Variants in FREM1 observed in about 807,000 individuals in gnomAD.
FREM1 encodes FRAS1 related extracellular matrix 1.
In FREM1, 220 loss-of-function variants were observed where a neutral mutation model predicts 210.1. That is an observed-to-expected ratio of 1.05 (90% CI 0.94 to 1.17). The LOEUF (loss-of-function observed/expected upper bound fraction) is 1.17. FREM1 is among the 50% of genes most tolerant of loss of function. The pLI, the probability that FREM1 is intolerant of heterozygous loss-of-function variation, is 0.00. For synonymous variants in FREM1, 1,189 were observed against 980.2 expected, an observed-to-expected ratio of 1.21 and a Z score of -3.98; for missense variants, 3,454 against 2,675.5, an observed-to-expected ratio of 1.29 and a Z score of -6.42.
intron 12 of FREM1, 54 bp downstream of exon 12, chr9:14,823,971 C>A (rs949441631): frequency 8.9e-7 from 1 of 1,121,488 alleles, no homozygotes; most frequent in Non-Finnish European, 1.3e-6. Flanking sequence ...CATGCCATAC[C>A]TTCTAAGGGC....
At chr9:14,895,286 A>G (rs1488358775) in intron 1 of FREM1, among the ~76,000 whole-genome samples, 2 of 152,356 alleles carry the variant, frequency 1.3e-5, no homozygotes, top group Non-Finnish European at 2.9e-5. Context: ...CGGTCTTACC[A>G]TGACTTGTCT....
chr9:14,776,104 C>A lies in FREM1; in HGVS notation c.4542G>T (p.Gly1514=). 1 of 1,604,594 alleles carries A rather than the reference C, an allele frequency of 6.2e-7. No individual in the cohort carries two copies. The highest frequency in any genetic ancestry group is 1.3e-5 in the African/African-American group (1 of 74,878). ...CCACGGCCCCTTGGGCCAGTCTCAA[C>A]CCCTTGTTCCTGGTTACCACAGGCA... ...RALPVVTRNK[G]LRLAQGAVGL... Residue 1514 remains glycine (G), a synonymous_variant, in exon 25 of 37, where the codon GGG becomes GGT. Coordinates refer to ENST00000380880, the MANE Select transcript of FREM1 (RefSeq NM_001379081.2).
chr9:14,823,468 C>G (rs1032895189), intron 12 of FREM1, 141 bp from the exon 13 acceptor site: 2 of 719,464 alleles, frequency 2.8e-6, no homozygotes, highest in East Asian at 2.6e-5. Flanking sequence ...ACCAAAAGCT[C>G]TATTTTTACT....
At chr9:14,754,607 G>T (rs1469691109) in intron 29 of FREM1, among the ~76,000 whole-genome samples, 1 of 152,048 alleles carries the variant, frequency 6.6e-6, no homozygotes, top group Admixed American at 6.6e-5. Context: ...GAATAAGGTG[G>T]GCTCCTCATC....
rs200894045 is a variant in FREM1, at chr9:14,806,788, G to A, written c.3147C>T (p.Ser1049=). The change falls in exon 18 of 37, where the codon TCC becomes TCT. Residue 1049 remains serine (S), a synonymous_variant. Transcript: ENST00000380880. ...CTGCTGCAGTGTCAGGGTCAGTGGC[G>A]GACAAATGGTTAACAGTAAGGGCTG... ...CSTALTVNHL[S]ATDPDTAADD... is the part of the protein sequence containing the mutation. 1.6e-3 allele frequency: 2,541 copies of A among 1,607,122 alleles called. 6 individuals carry two copies. The highest frequency in any genetic ancestry group is 1.9e-3 in the Non-Finnish European group (2,255 of 1,176,528).
intron 1 of FREM1, among the ~76,000 whole-genome samples, chr9:14,891,391 T>C (rs1430768050): frequency 1.3e-5 from 2 of 152,190 alleles, no homozygotes; most frequent in Non-Finnish European, 2.9e-5. Flanking sequence ...TTAGAGAGTG[T>C]ACAGTGTAAT....
Position 14,860,547 on chromosome 9 carries a change from A to ATGTG in FREM1, c.330-1064_330-1063insCACA, listed in dbSNP as rs1491541241. The stretch of plus-strand genomic sequence containing the variant: ...GTAGTAGGTATGTATATATATACAC[A>ATGTG]TATATATACACACATATATATACAC... On this transcript the variant is annotated intron_variant, in intron 3 of 36. Transcript: ENST00000380880. 8.8e-3 allele frequency among the ~76,000 whole-genome samples: 505 copies of ATGTG among 57,088 alleles called. 9 individuals are homozygous for ATGTG. Among genetic ancestry groups the ATGTG allele is most frequent in the African/African-American group, 0.061 (443 of 7,216 alleles). 37.5% of individuals were successfully genotyped at this position (57,088 alleles called of 152,430 possible).
intron 1 of FREM1, among the ~76,000 whole-genome samples, chr9:14,903,827 C>G (rs909681614): frequency 6.6e-6 from 1 of 152,074 alleles, no homozygotes; most frequent in Non-Finnish European, 1.5e-5. Flanking sequence ...TCTATTAAAA[C>G]TTAGACATTT....
chr9:14,851,583 A>G lies in FREM1; in HGVS notation c.853T>C (p.Tyr285His). The G allele has an allele frequency of 6.2e-7, 1 of 1,613,808 alleles. No homozygotes were observed. Among genetic ancestry groups the G allele is most frequent in the Non-Finnish European group, 8.5e-7 (1 of 1,179,674 alleles). The change falls in exon 6 of 37, where the codon TAT (tyrosine) becomes CAT (histidine). Residue 285 changes from tyrosine to histidine, a missense_variant. Transcript: ENST00000380880. The part of the protein sequence containing the change: ...YKSESAWLPV[Y>H]IRAGIPNQIP... ...TGATTCGGAATTCCAGCTCTGATATAGACAGGCAGCCACGCACTCTCTGAC... is the reference window on the plus strand; with the variant it reads ...TGATTCGGAATTCCAGCTCTGATATGGACAGGCAGCCACGCACTCTCTGAC...
chr9:14,784,165 A>G, intron 24 of FREM1: 2 of 480,196 alleles, frequency 4.2e-6, no homozygotes, highest in Non-Finnish European at 7.3e-6. Flanking sequence ...GCTGCACCAG[A>G]GCTGAAAAAT....
intron 15 of FREM1, among the ~76,000 whole-genome samples, chr9:14,815,999 G>T (rs931636536): frequency 3.3e-5 from 5 of 152,114 alleles, no homozygotes; most frequent in Middle Eastern, 6.8e-3. Context: ...GGGGAAATAT[G>T]ATTAAATCCT....
At chr9:14,739,251 C>G (rs2131846312) in intron 36 of FREM1, among the ~76,000 whole-genome samples, 1 of 150,954 alleles carries the variant, frequency 6.6e-6, no homozygotes. Flanking sequence ...CTACTGTTAG[C>G]TGCCACCATG....
intron 1 of FREM1, among the ~76,000 whole-genome samples, chr9:14,901,713 C>T (rs1009377119): frequency 1.3e-5 from 2 of 152,200 alleles, no homozygotes; most frequent in African/African-American, 2.4e-5. Flanking sequence ...TAACGACTCA[C>T]TTTTTGAACA....
At chr9:14,877,788 C>T (rs12683265) in intron 1 of FREM1, among the ~76,000 whole-genome samples, 9,722 of 152,210 alleles carry the variant, frequency 0.064, 478 homozygotes, top group East Asian at 0.18. Context: ...TTGACTGCAG[C>T]CTGGTGGCAA....
rs779976699 is a variant in FREM1, at chr9:14,784,542, C to T, written c.4270G>A (p.Asp1424Asn). The change falls in exon 24 of 37, where the codon GAC (aspartate) becomes AAC (asparagine). Residue 1424 changes from aspartate (D) to asparagine (N), a missense_variant. By Grantham distance (23) the Asp-to-Asn change is conservative (BLOSUM62 1). Coordinates refer to ENST00000380880, the MANE Select transcript of FREM1 (RefSeq NM_001379081.2). ...ACATAGAGCAGTTCCTCAGGCTTGT[C>T]TGTTCCGTCCACAGCCAGGAGCGTG... ...TTTLLAVDGT[D>N]KPEELLYVIT... The T allele has an allele frequency of 4.3e-6, 7 of 1,613,516 alleles. No homozygotes were observed. In the East Asian group the frequency reaches 1.6e-4, roughly 36 times the overall value.
At chr9:14,785,226 G>C (rs7027322) in intron 23 of FREM1, among the ~76,000 whole-genome samples, 4 of 152,090 alleles carry the variant, frequency 2.6e-5, no homozygotes, top group Middle Eastern at 3.2e-3. Flanking sequence ...ACTGTGTTCT[G>C]TTCACACAAC....
At chr9:14,904,690 C>T (rs1241353006) in intron 1 of FREM1, among the ~76,000 whole-genome samples, 15 of 152,172 alleles carry the variant, frequency 9.9e-5, no homozygotes, top group Non-Finnish European at 2.2e-4. Flanking sequence ...GAGGTACAGA[C>T]ACAGAACAGG....
intron 27 of FREM1, among the ~76,000 whole-genome samples, chr9:14,768,091 T>C (rs140463698): frequency 1.3e-5 from 2 of 152,266 alleles, no homozygotes; most frequent in Non-Finnish European, 2.9e-5. Flanking sequence ...ATGTCCTTGA[T>C]AGTGACAAAG....
intron 29 of FREM1, among the ~76,000 whole-genome samples, chr9:14,750,800 T>C (rs917537241): frequency 1.3e-5 from 2 of 152,234 alleles, no homozygotes; most frequent in Admixed American, 6.5e-5. Context: ...AAATGCTTTT[T>C]CTGATGATAT....
Sources: gnomAD v4.1 joint callset for allele counts (sites outside exome capture counted in the v4.1 genomes callset) on GRCh38, gnomAD v4.1.1 for gene constraint, MANE v1.5 for transcripts, NCBI Gene and HGNC (gene_info 2026-07-23, HGNC 2026-07-21) for gene names.